Variants in RERE observed in about 807,000 individuals in gnomAD.
RERE encodes the protein arginine-glutamic acid dipeptide repeats protein.
RERE carries 40 observed loss-of-function variants against 146.1 expected under a neutral mutation model. That is an observed-to-expected ratio of 0.27 (90% CI 0.21 to 0.36). RERE has a LOEUF of 0.36. RERE is among the 10% of genes least tolerant of loss of function. The pLI is 1.00. For missense variants in RERE, 1,933 were observed against 2,138.7 expected (o/e 0.90, Z 1.90); for synonymous variants, 1,003 against 866.0 (o/e 1.16, Z -2.78).
intron 1 of RERE, among the ~76,000 whole-genome samples, chr1:8,678,963 T>C (rs1404573196): frequency 1.3e-5 from 2 of 152,260 alleles, no homozygotes; most frequent in East Asian, 3.9e-4. Context: ...TTTAAATAAA[T>C]TTCAATTAAA....
At chr1:8,547,484 T>C (rs1238533348) in intron 6 of RERE, among the ~76,000 whole-genome samples, 2 of 151,708 alleles carry the variant, frequency 1.3e-5, no homozygotes, top group African/African-American at 2.4e-5. Context: ...CTGACAAAAG[T>C]GGGAGAAAAA....
At chr1:8,468,151 A>T (rs1431890508) in intron 10 of RERE, among the ~76,000 whole-genome samples, 1 of 152,190 alleles carries the variant, frequency 6.6e-6, no homozygotes, top group Non-Finnish European at 1.5e-5. Context: ...CCCACTTGGG[A>T]GTGGTGGTGC....
intron 4 of RERE, among the ~76,000 whole-genome samples, chr1:8,605,844 A>C (rs1440277036): frequency 9.5e-4 from 16 of 16,828 alleles, no homozygotes; most frequent in East Asian, 5.3e-3. Context: ...TAAATACCAA[A>C]CTTTTTTTTT....
At chr1:8,450,126 TAC>T (rs1644373747) in intron 11 of RERE, among the ~76,000 whole-genome samples, 1 of 152,056 alleles carries the variant, frequency 6.6e-6, no homozygotes, top group Admixed American at 6.5e-5. Flanking sequence ...AGGTGCCTCG[TAC>T]ACAGTCAGTA....
chr1:8,794,357 C>CAAAAAAAAAAAAAAAAAAAAAA lies in RERE; in HGVS notation c.-145+22781_-145+22802dup, dbSNP rs34549021. Among the ~76,000 whole-genome samples, 2 of 40,554 alleles carry CAAAAAAAAAAAAAAAAAAAAAA rather than the reference C, an allele frequency of 4.9e-5. 1 individual carries two copies. Among genetic ancestry groups the CAAAAAAAAAAAAAAAAAAAAAA allele is most frequent in the Non-Finnish European group, 9.4e-5 (2 of 21,298 alleles). The allele number at this position is 40,554 out of a possible 152,430, so 26.6% of individuals were successfully genotyped here. A position where few individuals can be genotyped will look rare whatever the true frequency, so the allele number is the denominator to read the frequency against. On this transcript the variant is annotated intron_variant, in intron 1 of 22. Coordinates refer to ENST00000400908, the MANE Select transcript of RERE (RefSeq NM_001042681.2). The stretch of plus-strand genomic sequence containing the variant: ...TGGGCAACAGAGCGAGACTCCGTCT[C>CAAAAAAAAAAAAAAAAAAAAAA]AAAAAAAAAAAAAAAAAAAAAAAAG...
intron 1 of RERE, among the ~76,000 whole-genome samples, chr1:8,700,404 G>C (rs962795176): frequency 6.6e-6 from 1 of 151,978 alleles, no homozygotes; most frequent in Non-Finnish European, 1.5e-5. Context: ...CCAGACCACT[G>C]AGAACCCATG....
chr1:8,626,353 T>G (rs1384686529), intron 2 of RERE, among the ~76,000 whole-genome samples: 1 of 152,162 alleles, frequency 6.6e-6, no homozygotes, highest in Non-Finnish European at 1.5e-5. Flanking sequence ...CAACATGCCC[T>G]CTCCTTTCTG....
intron 11 of RERE, among the ~76,000 whole-genome samples, chr1:8,442,098 G>T (rs183905092): frequency 6.6e-6 from 1 of 152,098 alleles, no homozygotes; most frequent in Non-Finnish European, 1.5e-5. Flanking sequence ...TTTAAAAAAT[G>T]AACTTGTCGG....
At chr1:8,508,779 A>T in intron 7 of RERE, 104 bp from the exon 8 acceptor site, 1 of 919,706 alleles carries the variant, frequency 1.1e-6, no homozygotes, top group Non-Finnish European at 1.7e-6. Context: ...ATGAGGAAAA[A>T]CTGAGGAAGA....
intron 9 of RERE, among the ~76,000 whole-genome samples, chr1:8,495,969 A>T (rs1245920794): frequency 2.6e-5 from 4 of 151,968 alleles, no homozygotes; most frequent in African/African-American, 9.7e-5. Context: ...GAGGCCAGAG[A>T]GTTCAAAATC....
chr1:8,499,282 A>G (rs1313378519), intron 8 of RERE, among the ~76,000 whole-genome samples: 1 of 152,256 alleles, frequency 6.6e-6, no homozygotes, highest in Non-Finnish European at 1.5e-5. Context: ...CAGAAATAAA[A>G]TAAGAATTAT....
At position 8,701,084 on chromosome 1, in the gene RERE, A is replaced by G. The variant is rs541935054; in HGVS notation, c.-144-44643T>C. On this transcript the variant is annotated intron_variant, in intron 1 of 22. Coordinates refer to ENST00000400908, the MANE Select transcript of RERE (RefSeq NM_001042681.2). Reference sequence around the variant, plus strand: ...GTGTAAGATAAAACTACCCTGTAGGAGCAGCCAATGCATTCTGACCTAACA... The same window carrying G: ...GTGTAAGATAAAACTACCCTGTAGGGGCAGCCAATGCATTCTGACCTAACA... 3.3e-5 allele frequency among the ~76,000 whole-genome samples: 5 copies of G among 152,322 alleles called. No individual in the cohort carries two copies. The East Asian group carries it at 7.7e-4, about 23-fold the overall frequency.
intron 1 of RERE, among the ~76,000 whole-genome samples, chr1:8,795,998 ACAAAAC>A (rs1412253047): frequency 1.5e-5 from 2 of 136,188 alleles, no homozygotes; most frequent in Non-Finnish European, 3.2e-5. Context: ...AAAAAAAAAA[ACAAAAC>A]AAAACAGGAA....
At chr1:8,581,231 T>C (rs1332628951) in intron 4 of RERE, among the ~76,000 whole-genome samples, 1 of 152,218 alleles carries the variant, frequency 6.6e-6, no homozygotes, top group Non-Finnish European at 1.5e-5. Context: ...ATTTCCCTGA[T>C]GACCAATAAT....
rs546040683 is a variant in RERE, at chr1:8,353,605, G to C, written c.*1482C>G. The C allele has an allele frequency of 6.6e-6, 1 of 152,308 alleles. No homozygotes were observed. Among genetic ancestry groups the C allele is most frequent in the African/African-American group, 2.4e-5 (1 of 41,462 alleles). 9.4% of individuals were successfully genotyped at this position (152,308 alleles called of 1,614,324 possible). On this transcript the variant is annotated 3_prime_UTR_variant, in exon 23 of 23. Coordinates refer to ENST00000400908, the MANE Select transcript of RERE (RefSeq NM_001042681.2). Reference sequence around the variant, plus strand: ...CCGCCCTCAGCCTGGGAGAAAGTGCGTTACGGCTGCAGCCTGGAAACGAGG... The same window carrying C: ...CCGCCCTCAGCCTGGGAGAAAGTGCCTTACGGCTGCAGCCTGGAAACGAGG...
chr1:8,630,432 C>G (rs1284172142), intron 2 of RERE, among the ~76,000 whole-genome samples: 1 of 152,040 alleles, frequency 6.6e-6, no homozygotes, highest in Non-Finnish European at 1.5e-5. Flanking sequence ...GAGATCCTAG[C>G]AAGAAAGTTG....
chr1:8,687,920 A>C (rs1570609779), intron 1 of RERE, among the ~76,000 whole-genome samples: 1 of 152,250 alleles, frequency 6.6e-6, no homozygotes, highest in African/African-American at 2.4e-5. Context: ...ACAGAAGTAC[A>C]AATTTACACA....
At chr1:8,399,851 G>T (rs1409967500) in intron 12 of RERE, among the ~76,000 whole-genome samples, 1 of 149,128 alleles carries the variant, frequency 6.7e-6, no homozygotes, top group African/African-American at 2.5e-5. Context: ...TGTACTTACT[G>T]CTAGGAATCT....
At chr1:8,579,341 T>A (rs779480714) in intron 4 of RERE, among the ~76,000 whole-genome samples, 2 of 152,206 alleles carry the variant, frequency 1.3e-5, no homozygotes, top group Non-Finnish European at 2.9e-5. Flanking sequence ...GAGCCACCAC[T>A]AACCTATTAA....
Sources: allele counts gnomAD v4.1 joint callset (sites outside exome capture counted in the v4.1 genomes callset), GRCh38; gene constraint gnomAD v4.1.1; transcripts MANE v1.5; gene names NCBI Gene and HGNC (gene_info 2026-07-23, HGNC 2026-07-21).